AGAP1: variants seen among roughly 807,000 people sequenced by gnomAD.
The protein encoded by AGAP1 is arf-GAP with GTPase, ANK repeat and PH domain-containing protein 1.
Under a neutral mutation model 105.3 loss-of-function variants are expected in AGAP1, and 29 were observed. The observed-to-expected ratio is 0.28, with a 90% CI of 0.21 to 0.38. The LOEUF is 0.38. Ranked by LOEUF, AGAP1 falls within the 10% of genes least tolerant of loss-of-function variation. The pLI, the probability that AGAP1 is intolerant of heterozygous loss-of-function variation, is 1.00. For synonymous variants in AGAP1, 509 were observed against 485.9 expected (o/e 1.05, Z -0.63); for missense variants, 998 against 1,165.1 (o/e 0.86, Z 2.09).
intron 1 of AGAP1, among the ~76,000 whole-genome samples, chr2:235,668,770 A>G (rs995569862): frequency 6.6e-6 from 1 of 152,254 alleles, no homozygotes; most frequent in African/African-American, 2.4e-5. Flanking sequence ...AATATTTAGC[A>G]TGTACACAGA....
intron 1 of AGAP1, among the ~76,000 whole-genome samples, chr2:235,704,403 C>T (rs1950418304): frequency 6.6e-6 from 1 of 152,110 alleles, no homozygotes; most frequent in Non-Finnish European, 1.5e-5. Context: ...ATTCCCAGCA[C>T]TTGGGAGGCC....
At chr2:236,099,182 G>A (rs1028125160) in intron 16 of AGAP1, among the ~76,000 whole-genome samples, 2 of 152,132 alleles carry the variant, frequency 1.3e-5, no homozygotes, top group Non-Finnish European at 2.9e-5. Flanking sequence ...GCCAGGTGCG[G>A]TGGCTCACGC....
chr2:235,816,456 A>C (rs1958462855), intron 9 of AGAP1, among the ~76,000 whole-genome samples: 1 of 134,016 alleles, frequency 7.5e-6, no homozygotes, highest in South Asian at 2.3e-4. Context: ...AAAAAAAAAA[A>C]AGGAAAGAAA....
In AGAP1 at chr2:235,803,877, A is replaced by C. The variant is rs1030108017; in HGVS notation, c.958-3362A>C. Among the ~76,000 whole-genome samples, 28 of 152,358 alleles carry C rather than the reference A, an allele frequency of 1.8e-4. No individual in the cohort carries two copies. The Middle Eastern group carries it at 0.01, about 56-fold the overall frequency. On this transcript the variant is annotated intron_variant, in intron 8 of 17. Transcript: ENST00000304032. ...TTTCACTTATTTCTTTGGAAAAAAA[A>C]CAAACATTAAAAGACTGTATCCATT...
In AGAP1 at chr2:236,058,532, A is replaced by C. The variant is rs977882978; in HGVS notation, c.2114+9251A>C. 2.0e-5 allele frequency among the ~76,000 whole-genome samples: 3 copies of C among 152,232 alleles called. No homozygotes were observed. The highest frequency in any genetic ancestry group is 4.4e-5 in the Non-Finnish European group (3 of 68,032). On this transcript the variant is annotated intron_variant, in intron 16 of 17. Coordinates refer to ENST00000304032, the MANE Select transcript of AGAP1 (RefSeq NM_001037131.3). The surrounding 1 kb of genome is among the most constrained non-coding windows in gnomAD (Gnocchi z 4.6). ...ATTTGACAAAACCACGTGCCCTTTCATGGTAACAAACACTCAGCAAACTAG... is the reference window on the plus strand; with the variant it reads ...ATTTGACAAAACCACGTGCCCTTTCCTGGTAACAAACACTCAGCAAACTAG...
intron 14 of AGAP1, among the ~76,000 whole-genome samples, chr2:236,039,199 C>A (rs932369584): frequency 3.3e-5 from 5 of 152,170 alleles, no homozygotes; most frequent in Admixed American, 1.3e-4. Flanking sequence ...ACTCCTAGTG[C>A]TTTGGGAGGC....
At chr2:235,894,864 C>T (rs1023480378) in intron 10 of AGAP1, among the ~76,000 whole-genome samples, 1 of 152,236 alleles carries the variant, frequency 6.6e-6, no homozygotes, top group Non-Finnish European at 1.5e-5. Context: ...TCTGCCGTTG[C>T]CCCACCCGCT....
intron 1 of AGAP1, among the ~76,000 whole-genome samples, chr2:235,579,432 G>A (rs951065913): frequency 2.0e-4 from 30 of 152,188 alleles, no homozygotes; most frequent in African/African-American, 6.7e-4. Context: ...TGTTGTTGTC[G>A]TTAAAAAATA....
chr2:235,926,140 T>G (rs958763129), intron 11 of AGAP1, among the ~76,000 whole-genome samples: 8 of 152,360 alleles, frequency 5.3e-5, no homozygotes, highest in African/African-American at 1.9e-4. Flanking sequence ...GGTCAATTAG[T>G]TAATGACATT....
In AGAP1 at chr2:235,925,915, C is replaced by A. The variant is rs1375418746; in HGVS notation, c.1325-4850C>A. Among the ~76,000 whole-genome samples the A allele has an allele frequency of 2.0e-5, 3 of 152,222 alleles. No homozygotes were observed. In the East Asian group the frequency reaches 5.8e-4, roughly 29 times the overall value. On this transcript the variant is annotated intron_variant, in intron 11 of 17. Transcript: ENST00000304032. ...ACAAATGAGAACTTCAGACCTTCAG[C>A]CTTAATTAATAACTCATTAACGTGA...
rs1957405798 is a variant in AGAP1 at position 235,799,809 on chromosome 2, G to C, written c.957+287G>C. 6.6e-6 allele frequency among the ~76,000 whole-genome samples: 1 copy of C among 152,136 alleles called. No homozygotes were observed. Among genetic ancestry groups the C allele is most frequent in the African/African-American group, 2.4e-5 (1 of 41,432 alleles). On this transcript the variant is annotated intron_variant, in intron 8 of 17. Coordinates refer to ENST00000304032, the MANE Select transcript of AGAP1 (RefSeq NM_001037131.3). The surrounding 1 kb of genome is among the most constrained non-coding windows in gnomAD (Gnocchi z 5.0). Reference sequence around the variant, plus strand: ...ATCCTGTGGCTCCAGCTAAAGATGTGTCACAGTGGATACAAGGAGATGACA... The same window carrying C: ...ATCCTGTGGCTCCAGCTAAAGATGTCTCACAGTGGATACAAGGAGATGACA...
intron 9 of AGAP1, among the ~76,000 whole-genome samples, chr2:235,816,036 C>T (rs1490400219): frequency 6.6e-6 from 1 of 152,222 alleles, no homozygotes; most frequent in African/African-American, 2.4e-5. Flanking sequence ...CAGGTGCTCA[C>T]TGTCCGTCAG....
intron 1 of AGAP1, among the ~76,000 whole-genome samples, chr2:235,605,300 T>C (rs1945891014): frequency 1.3e-5 from 2 of 152,248 alleles, no homozygotes; most frequent in South Asian, 4.1e-4. Context: ...GCCCCTCATC[T>C]TCATTTATAT....
intron 1 of AGAP1, among the ~76,000 whole-genome samples, chr2:235,558,249 C>T (rs1480244997): frequency 6.6e-6 from 1 of 152,134 alleles, no homozygotes; most frequent in Admixed American, 6.5e-5. Context: ...AGGCTCTCCT[C>T]CTTGAGTACT....
At chr2:235,780,249 G>A (rs1192561776) in intron 6 of AGAP1, among the ~76,000 whole-genome samples, 1 of 152,038 alleles carries the variant, frequency 6.6e-6, no homozygotes, top group Non-Finnish European at 1.5e-5. Flanking sequence ...AGGAATTTAG[G>A]TTTAAGAAAA....
intron 6 of AGAP1, among the ~76,000 whole-genome samples, chr2:235,778,939 C>G (rs1001488107): frequency 6.6e-6 from 1 of 152,226 alleles, no homozygotes; most frequent in South Asian, 2.1e-4. Flanking sequence ...CTGTGCCTCA[C>G]ATGGATCAAC....
rs1307877433 is a variant in AGAP1 at position 236,080,605 on chromosome 2, T to C, written c.2114+31324T>C. Among the ~76,000 whole-genome samples the C allele has an allele frequency of 6.6e-6, 1 of 152,204 alleles. No individual in the cohort carries two copies. Among genetic ancestry groups the C allele is most frequent in the Non-Finnish European group, 1.5e-5 (1 of 68,032 alleles). On this transcript the variant is annotated intron_variant, in intron 16 of 17. Transcript: ENST00000304032. The surrounding 1 kb of genome is among the most constrained non-coding windows in gnomAD (Gnocchi z 4.2). ...CTCAATCCTTCTCTTCCTAATAGGG[T>C]AGGTATAAGATTCCCATTGCTGCTG... is the stretch of plus-strand genomic sequence containing the variant.
In AGAP1 at chr2:235,994,727, CA is replaced by C. The variant is rs967704452; in HGVS notation, c.1645+26105del. Among the ~76,000 whole-genome samples the C allele has an allele frequency of 2.0e-5, 3 of 151,700 alleles. No homozygotes were observed. The highest frequency in any genetic ancestry group is 7.3e-5 in the African/African-American group (3 of 41,318). On this transcript the variant is annotated intron_variant, in intron 13 of 17. Coordinates refer to ENST00000304032, the MANE Select transcript of AGAP1 (RefSeq NM_001037131.3). The surrounding 1 kb of genome is among the most constrained non-coding windows in gnomAD (Gnocchi z 4.4). Reference sequence around the variant, plus strand: ...ACGTTACACAAACACACAAGCTTCTCAGGGGAAGAGCATGATGAATTTCTTT... The same window carrying C: ...ACGTTACACAAACACACAAGCTTCTCGGGGAAGAGCATGATGAATTTCTTT...
At chr2:235,759,449 G>A (rs191780154) in intron 6 of AGAP1, among the ~76,000 whole-genome samples, 75 of 152,266 alleles carry the variant, frequency 4.9e-4, no homozygotes, top group Middle Eastern at 3.4e-3. Flanking sequence ...GATTACAGGC[G>A]TGAGCCACCG....
Sources: gnomAD v4.1 joint callset for allele counts (sites outside exome capture counted in the v4.1 genomes callset) on GRCh38, gnomAD v4.1.1 for gene constraint, Gnocchi (gnomAD v3.1) non-coding constraint, MANE v1.5 for transcripts, NCBI Gene and HGNC (gene_info 2026-07-23, HGNC 2026-07-21) for gene names.